Variants in NPAT observed in about 807,000 individuals in gnomAD.
The protein encoded by NPAT is protein NPAT.
A neutral mutation model predicts 130.7 loss-of-function variants in NPAT; 52 were observed. The ratio of observed to expected loss-of-function variants is 0.40; its 90% CI spans 0.32 to 0.50. The LOEUF (loss-of-function observed/expected upper bound fraction) is 0.50, where lower values mean the gene tolerates loss of function less well. Among genes scored for constraint, NPAT ranks in the 20% least tolerant of loss-of-function variants. NPAT has a pLI of 0.68. For synonymous variants in NPAT, 580 were observed against 584.8 expected (o/e 0.99, Z 0.12); for missense variants, 1,687 against 1,662.6 (o/e 1.01, Z -0.26).
At chr11:108,179,049 A>G (rs1468003525) in intron 10 of NPAT, among the ~76,000 whole-genome samples, 1 of 152,198 alleles carries the variant, frequency 6.6e-6, no homozygotes, top group African/African-American at 2.4e-5. Context: ...AAAACAGAAT[A>G]CAGAGATCAG....
chr11:108,161,674 G>T lies in NPAT; in HGVS notation c.3412C>A (p.His1138Asn). 6.2e-7 allele frequency: 1 copy of T among 1,613,984 alleles called. No homozygotes were observed. The highest frequency in any genetic ancestry group is 8.5e-7 in the Non-Finnish European group (1 of 1,180,034). Residue 1138 changes from histidine (H) to asparagine (N), a missense_variant, in exon 17 of 18, where the codon CAT becomes AAT. Around this residue, in one of 3 missense-constraint regions of NPAT, gnomAD observed 1,379 missense variants for 1,346.6 expected, o/e 1.02. Coordinates refer to ENST00000278612, the MANE Select transcript of NPAT (RefSeq NM_002519.3). The part of the protein sequence containing the change: ...LSKSESAISR[H>N]TTIRETQSEK... ...GATTGAGTTTCTCTTATGGTGGTATGCCGGCTAATGGCACTTTCCGATTTA... is the reference window on the plus strand; with the variant it reads ...GATTGAGTTTCTCTTATGGTGGTATTCCGGCTAATGGCACTTTCCGATTTA...
At chr11:108,201,488 T>C (rs2078275008) in intron 1 of NPAT, among the ~76,000 whole-genome samples, 1 of 152,162 alleles carries the variant, frequency 6.6e-6, no homozygotes, top group Non-Finnish European at 1.5e-5. Flanking sequence ...TCAATCTTTA[T>C]GTATCAGAAA....
intron 10 of NPAT, among the ~76,000 whole-genome samples, chr11:108,181,259 T>C (rs2078055627): frequency 6.6e-6 from 1 of 152,010 alleles, no homozygotes; most frequent in Non-Finnish European, 1.5e-5. Context: ...AGGTCAGGAG[T>C]TCGAGACCAG....
Position 108,173,345 on chromosome 11 carries a change from T to C in NPAT, c.1639A>G (p.Lys547Glu), listed in dbSNP as rs1186358125. The change falls in exon 13 of 18, where the codon AAA becomes GAA. Residue 547 changes from lysine (K) to glutamate (E), a missense_variant. Lys to Glu is a moderately conservative substitution (Grantham distance 56). This residue lies in a region of NPAT where 1,379 missense variants were observed against 1,346.6 expected (regional missense o/e 1.02). Coordinates refer to ENST00000278612, the MANE Select transcript of NPAT (RefSeq NM_002519.3). ...DTSLTGKPSKKSQFCENSNDT... is the reference protein window; with the variant it reads ...DTSLTGKPSKESQFCENSNDT... ...TTAGAATTTTCACAAAATTGACTTT[T>C]TTTAGATGGCTTTCCAGTTAATGAA... The C allele has an allele frequency of 1.9e-6, 3 of 1,613,434 alleles. No individual in the cohort carries two copies. Among genetic ancestry groups the C allele is most frequent in the Non-Finnish European group, 2.5e-6 (3 of 1,179,670 alleles).
rs747124701 is a variant in NPAT, at chr11:108,185,266, G to A, written c.872C>T (p.Pro291Leu). 1.2e-6 allele frequency: 2 copies of A among 1,612,342 alleles called. No homozygotes were observed. Among genetic ancestry groups the A allele is most frequent in the East Asian group, 4.5e-5 (2 of 44,844 alleles). ...TAGGAATTCATCAATTGAAGTCTCT[G>A]GCTCCGTAGGGTTGTTATCTGTTTG... Reference protein sequence around the residue: ...PKQTDNNPTEPETSIDEFLGL... With the variant: ...PKQTDNNPTELETSIDEFLGL... Residue 291 changes from proline (P) to leucine (L), a missense_variant, in exon 10 of 18, where the codon CCA becomes CTA. Transcript: ENST00000278612.
rs1448356869 is a variant in NPAT, at chr11:108,186,460, A to G, written c.726+22T>C. 3.1e-6 allele frequency: 5 copies of G among 1,593,442 alleles called. No individual in the cohort carries two copies. In the Admixed American group the frequency reaches 8.3e-5, roughly 27 times the overall value. On this transcript the variant is annotated intron_variant, in intron 8 of 17. Transcript: ENST00000278612. Reference sequence around the variant, plus strand: ...TAAACTCAGGAATATTTTAAGTTGCAAAGTTTGGCAGAGTCACTTACTTTT... The same window carrying G: ...TAAACTCAGGAATATTTTAAGTTGCGAAGTTTGGCAGAGTCACTTACTTTT...
At chr11:108,162,299 C>A in intron 15 of NPAT, 119 bp from the exon 16 acceptor site, 2 of 812,758 alleles carry the variant, frequency 2.5e-6, no homozygotes, top group Non-Finnish European at 4.0e-6. Flanking sequence ...AATGTACACA[C>A]AAATAGAACA....
rs113168914 is a variant in NPAT, at chr11:108,174,586, GTATGATA to G, written c.1133-742_1133-736del. ...TCTTAAAAAAAAAAAAAAAAAAAGA[GTATGATA>G]TGAGTAAGGAAAGAGTATTTCCTTT... On this transcript the variant is annotated intron_variant, in intron 12 of 17. Transcript: ENST00000278612. Among the ~76,000 whole-genome samples the G allele has an allele frequency of 6.4e-3, 920 of 144,800 alleles. 6 individuals carry two copies. Among genetic ancestry groups the G allele is most frequent in the African/African-American group, 0.02 (779 of 39,246 alleles). 95.0% of individuals were successfully genotyped at this position (144,800 alleles called of 152,430 possible). A position where few individuals can be genotyped will look rare whatever the true frequency, so the allele number is the denominator to read the frequency against.
intron 15 of NPAT, 87 bp from the exon 16 acceptor site, chr11:108,162,267 G>C (rs2077859596): frequency 8.0e-7 from 1 of 1,253,920 alleles, no homozygotes; most frequent in Non-Finnish European, 1.1e-6. Context: ...CATATCATGA[G>C]AAAAAATTTT....
In NPAT at chr11:108,173,143, T is replaced by G. The variant is rs1485968519; in HGVS notation, c.1841A>C (p.His614Pro). ...EILPVSVESS[H>P]LNVSGQVEIH... ...TTCTACTTGTCCAGATACATTTAAA[T>G]GTGAACTTTCAACAGACACAGGTAG... The change falls in exon 13 of 18, where the codon CAT becomes CCT. Residue 614 changes from histidine (H) to proline (P), a missense_variant. His to Pro is a moderately conservative substitution (Grantham distance 77). Transcript: ENST00000278612. 4 of 1,613,970 alleles carry G rather than the reference T, an allele frequency of 2.5e-6. No homozygotes were observed. The highest frequency in any genetic ancestry group is 3.4e-6 in the Non-Finnish European group (4 of 1,179,936).
chr11:108,176,350 A>G lies in NPAT; in HGVS notation c.1028T>C (p.Ile343Thr). 6.4e-7 allele frequency: 1 copy of G among 1,554,102 alleles called. No homozygotes were observed. Among genetic ancestry groups the G allele is most frequent in the South Asian group, 1.1e-5 (1 of 89,688 alleles). ...DYGKTKNNKN[I>T]SQSISSQPME... ...AGGTTGACTGGAAATACTTTGTGAT[A>G]TATTTTTATTATTCTTTGTTTTGCC... Residue 343 changes from isoleucine to threonine, a missense_variant, in exon 12 of 18, where the codon ATA becomes ACA. By Grantham distance (89) the Ile-to-Thr change is moderately conservative. Transcript: ENST00000278612.
At chr11:108,169,658 T>G (rs868297588) in intron 15 of NPAT, 86 bp downstream of exon 15, 11 of 959,134 alleles carry the variant, frequency 1.1e-5, no homozygotes, top group Middle Eastern at 2.2e-4. Flanking sequence ...ATGGTTTAGG[T>G]ATTCAGAAAG....
At chr11:108,202,063 G>GT (rs1393501372) in intron 1 of NPAT, among the ~76,000 whole-genome samples, 1 of 151,746 alleles carries the variant, frequency 6.6e-6, no homozygotes, top group Non-Finnish European at 1.5e-5. Context: ...ACTAGCTGAG[G>GT]TAACTGCCCT....
chr11:108,176,961 T>C, intron 11 of NPAT, 33 bp downstream of exon 11: 1 of 1,411,950 alleles, frequency 7.1e-7, no homozygotes, highest in Non-Finnish European at 1.0e-6. Context: ...TAGAAGCCTT[T>C]TTTTTCTGTC....
At chr11:108,177,922 T>C (rs2078024318) in intron 10 of NPAT, among the ~76,000 whole-genome samples, 1 of 152,154 alleles carries the variant, frequency 6.6e-6, no homozygotes, top group African/African-American at 2.4e-5. Flanking sequence ...GGTTTTGCCA[T>C]GTTGCCCAGG....
At chr11:108,217,911 T>G (rs960390063) in intron 1 of NPAT, among the ~76,000 whole-genome samples, 1 of 152,154 alleles carries the variant, frequency 6.6e-6, no homozygotes, top group Non-Finnish European at 1.5e-5. Flanking sequence ...GAGAATCACT[T>G]GAACCTGGGA....
Position 108,196,862 on chromosome 11 carries a change from C to T in NPAT, c.156+440G>A, listed in dbSNP as rs965585491. ...AGGAGCCATGATTAAAATAAAATGG[C>T]AAACACCATGTGAAATGATGTAGTT... is the stretch of plus-strand genomic sequence containing the variant. On this transcript the variant is annotated intron_variant, in intron 2 of 17. Coordinates refer to ENST00000278612, the MANE Select transcript of NPAT (RefSeq NM_002519.3). Among the ~76,000 whole-genome samples, 25 of 152,168 alleles carry T rather than the reference C, an allele frequency of 1.6e-4. 1 individual carries two copies. Among genetic ancestry groups the T allele is most frequent in the African/African-American group, 5.1e-4 (21 of 41,416 alleles).
intron 15 of NPAT, among the ~76,000 whole-genome samples, chr11:108,167,349 C>A (rs891773433): frequency 6.6e-6 from 1 of 152,120 alleles, no homozygotes. Flanking sequence ...ATAGTTGGGA[C>A]TACTATCTGC....
rs1456453815 is a variant in NPAT, at chr11:108,173,341, C to T, written c.1643G>A (p.Ser548Asn). ...TSLTGKPSKK[S>N]QFCENSNDTV... ...ATCATTAGAATTTTCACAAAATTGA[C>T]TTTTTTTAGATGGCTTTCCAGTTAA... is the stretch of plus-strand genomic sequence containing the variant. Residue 548 changes from serine to asparagine, a missense_variant, in exon 13 of 18, where the codon AGT becomes AAT. Coordinates refer to ENST00000278612, the MANE Select transcript of NPAT (RefSeq NM_002519.3). 3 of 1,613,164 alleles carry T rather than the reference C, an allele frequency of 1.9e-6. No homozygotes were observed. The Admixed American group carries it at 5.0e-5, about 27-fold the overall frequency.
Sources: gnomAD v4.1 joint callset for allele counts (sites outside exome capture counted in the v4.1 genomes callset) on GRCh38, gnomAD v4.1.1 for gene constraint, gnomAD v4.1.1 regional missense constraint, MANE v1.5 for transcripts, NCBI Gene and HGNC (gene_info 2026-07-23, HGNC 2026-07-21) for gene names.